MEGF11: variants seen among roughly 807,000 people sequenced by gnomAD.
MEGF11 encodes multiple EGF like domains 11.
In MEGF11, 126 loss-of-function variants were observed where a neutral mutation model predicts 146.6. The observed-to-expected ratio is 0.86, with a 90% CI of 0.74 to 1.00. MEGF11 has a LOEUF of 1.00. MEGF11 is among the 50% of genes least tolerant of loss of function. The pLI, the probability that MEGF11 is intolerant of heterozygous loss-of-function variation, is 0.00. For missense variants in MEGF11, 1,509 were observed against 1,521.2 expected (o/e 0.99, Z 0.13); for synonymous variants, 532 against 583.4 (o/e 0.91, Z 1.27).
At chr15:66,100,344 C>T (rs1410227526) in intron 4 of MEGF11, among the ~76,000 whole-genome samples, 2 of 152,148 alleles carry the variant, frequency 1.3e-5, no homozygotes, top group East Asian at 3.9e-4. Flanking sequence ...GCCTGGAGTG[C>T]CGCAGGGAGA....
At chr15:65,961,099 C>G (rs759283399) in intron 9 of MEGF11, among the ~76,000 whole-genome samples, 1 of 152,148 alleles carries the variant, frequency 6.6e-6, no homozygotes, top group Non-Finnish European at 1.5e-5. Context: ...TGATGGAGAG[C>G]TGTGATTGCC....
chr15:65,924,624 CTTTT>C (rs573572484), intron 13 of MEGF11, among the ~76,000 whole-genome samples: 7 of 111,612 alleles, frequency 6.3e-5, no homozygotes, highest in African/African-American at 1.7e-4. Context: ...TGCCATAAGG[CTTTT>C]TTTTTTTTTT....
rs147446094 is a variant in MEGF11 at position 66,002,347 on chromosome 15, G to A, written c.395-19859C>T. On this transcript the variant is annotated intron_variant, in intron 5 of 25. Coordinates refer to ENST00000395614, the MANE Select transcript of MEGF11 (RefSeq NM_001385028.1). ...TAGGCTCCTCAGTAGAGCTCTCTAGGGGTGAGGACGGGGGTGGAGTCTGGT... is the reference window on the plus strand; with the variant it reads ...TAGGCTCCTCAGTAGAGCTCTCTAGAGGTGAGGACGGGGGTGGAGTCTGGT... Among the ~76,000 whole-genome samples, 6 of 152,226 alleles carry A rather than the reference G, an allele frequency of 3.9e-5. No individual in the cohort carries two copies. In the East Asian group the frequency reaches 9.7e-4, roughly 24 times the overall value.
At chr15:66,039,840 GT>G (rs2083889827) in intron 5 of MEGF11, among the ~76,000 whole-genome samples, 2 of 4,132 alleles carry the variant, frequency 4.8e-4, no homozygotes, top group Non-Finnish European at 2.2e-3. Context: ...CGGCGGTGGG[GT>G]GACGGTCCTG....
chr15:66,106,071 T>C (rs932636875), intron 4 of MEGF11, among the ~76,000 whole-genome samples: 8 of 152,260 alleles, frequency 5.3e-5, no homozygotes, highest in Non-Finnish European at 1.0e-4. Context: ...AGATTGATGG[T>C]GTCATTTGGC....
intron 10 of MEGF11, among the ~76,000 whole-genome samples, chr15:65,950,786 A>T (rs979622636): frequency 1.3e-5 from 2 of 152,252 alleles, no homozygotes; most frequent in African/African-American, 4.8e-5. Context: ...AGCTCATGCC[A>T]CTGCTCAAAG....
At chr15:66,107,062 A>AC (rs10666321) in intron 4 of MEGF11, among the ~76,000 whole-genome samples, 5 of 150,346 alleles carry the variant, frequency 3.3e-5, no homozygotes, top group South Asian at 2.1e-4. Context: ...CTACCCCCCC[A>AC]CCAGGTATAG....
chr15:66,100,024 G>T (rs1263554231), intron 4 of MEGF11, among the ~76,000 whole-genome samples: 1 of 152,180 alleles, frequency 6.6e-6, no homozygotes, highest in African/African-American at 2.4e-5. Context: ...ATGAAAGGAG[G>T]CCCCAGTCCC....
intron 5 of MEGF11, among the ~76,000 whole-genome samples, chr15:66,009,835 C>A (rs1318643457): frequency 6.6e-6 from 1 of 152,024 alleles, no homozygotes; most frequent in African/African-American, 2.4e-5. Context: ...ACTTCGTGAT[C>A]CACCCACATC....
intron 5 of MEGF11, among the ~76,000 whole-genome samples, chr15:66,034,708 C>G (rs1220015139): frequency 6.6e-6 from 1 of 152,214 alleles, no homozygotes; most frequent in African/African-American, 2.4e-5. Flanking sequence ...GCGTGAGCCA[C>G]TGTGTCTAGG....
intron 5 of MEGF11, among the ~76,000 whole-genome samples, chr15:65,989,364 C>T (rs1324059572): frequency 6.6e-6 from 1 of 152,152 alleles, no homozygotes; most frequent in Admixed American, 6.5e-5. Context: ...GGGCCAAGGC[C>T]CCCACCTCCC....
intron 10 of MEGF11, among the ~76,000 whole-genome samples, chr15:65,945,289 G>C (rs1348924629): frequency 6.6e-6 from 1 of 152,294 alleles, no homozygotes; most frequent in Admixed American, 6.5e-5. Flanking sequence ...CACAGAACAC[G>C]GGCCTGGAAT....
intron 4 of MEGF11, among the ~76,000 whole-genome samples, chr15:66,111,269 C>G (rs2087386986): frequency 6.6e-6 from 1 of 152,190 alleles, no homozygotes; most frequent in Non-Finnish European, 1.5e-5. Context: ...AGCAATCACT[C>G]CAAGAAGGCA....
At chr15:66,016,430 G>T (rs1596992662) in intron 5 of MEGF11, among the ~76,000 whole-genome samples, 1 of 147,572 alleles carries the variant, frequency 6.8e-6, no homozygotes, top group South Asian at 2.2e-4. Flanking sequence ...AAAACAATTT[G>T]TCATTCTATT....
intron 5 of MEGF11, among the ~76,000 whole-genome samples, chr15:66,091,090 T>C (rs1212314624): frequency 6.6e-6 from 1 of 152,132 alleles, no homozygotes; most frequent in East Asian, 1.9e-4. Context: ...TGCTTTCAAT[T>C]AAACAAAACC....
rs59330024 is a variant in MEGF11 at position 65,973,117 on chromosome 15, CAA to C, written c.763-2430_763-2429del. Among the ~76,000 whole-genome samples, 396 of 130,422 alleles carry C rather than the reference CAA, an allele frequency of 3.0e-3. 1 individual carries two copies. The highest frequency in any genetic ancestry group is 3.5e-3 in the African/African-American group (121 of 34,736). The allele number at this position is 130,422 out of a possible 152,430, so 85.6% of individuals were successfully genotyped here. A position where few individuals can be genotyped will look rare whatever the true frequency, so the allele number is the denominator to read the frequency against. ...GGGCAACAAGAGCAAAACTCTGTCT[CAA>C]AAAAAAAAAAAAAAGAATTACCCAA... On this transcript the variant is annotated intron_variant, in intron 7 of 25. Coordinates refer to ENST00000395614, the MANE Select transcript of MEGF11 (RefSeq NM_001385028.1).
intron 5 of MEGF11, among the ~76,000 whole-genome samples, chr15:66,061,382 G>C (rs1046026166): frequency 5.3e-5 from 8 of 152,164 alleles, no homozygotes; most frequent in Admixed American, 1.3e-4. Context: ...GGCTGGAAAG[G>C]CTTGACCCCC....
intron 5 of MEGF11, among the ~76,000 whole-genome samples, chr15:66,027,038 C>G (rs2140213272): frequency 6.6e-6 from 1 of 152,352 alleles, no homozygotes. Context: ...CTGATTATCT[C>G]TGGTAGCCCT....
rs938990516 is a variant in MEGF11 at position 66,113,689 on chromosome 15, C to T, written c.301+5397G>A. Among the ~76,000 whole-genome samples, 4 of 152,150 alleles carry T rather than the reference C, an allele frequency of 2.6e-5. No homozygotes were observed. In the East Asian group the frequency reaches 5.8e-4, roughly 22 times the overall value. ...CGGGTGGATCACGAGGTCAGGAGATCGAGACCACAGTGAAACCCCGTCTCT... is the reference window on the plus strand; with the variant it reads ...CGGGTGGATCACGAGGTCAGGAGATTGAGACCACAGTGAAACCCCGTCTCT... On this transcript the variant is annotated intron_variant, in intron 4 of 25. Coordinates refer to ENST00000395614, the MANE Select transcript of MEGF11 (RefSeq NM_001385028.1).
Sources: allele counts gnomAD v4.1 joint callset (sites outside exome capture counted in the v4.1 genomes callset), GRCh38; gene constraint gnomAD v4.1.1; transcripts MANE v1.5; gene names NCBI Gene and HGNC (gene_info 2026-07-23, HGNC 2026-07-21).